RERE: variants seen among roughly 807,000 people sequenced by gnomAD.
The protein encoded by RERE is arginine-glutamic acid dipeptide repeats, also known as arginine-glutamic acid dipeptide repeats protein.
RERE carries 40 observed loss-of-function variants against 146.1 expected under a neutral mutation model. The observed-to-expected ratio is 0.27, with a 90% CI of 0.21 to 0.36. RERE has a LOEUF of 0.36. RERE is among the 10% of genes least tolerant of loss of function. The pLI, the probability that RERE is intolerant of heterozygous loss-of-function variation, is 1.00. For synonymous variants in RERE, 1,003 were observed against 866.0 expected, an observed-to-expected ratio of 1.16 and a Z score of -2.78; for missense variants, 1,933 against 2,138.7, an observed-to-expected ratio of 0.90 and a Z score of 1.90.
chr1:8,464,168 A>G (rs1403918363), intron 11 of RERE, among the ~76,000 whole-genome samples: 24 of 152,212 alleles, frequency 1.6e-4, no homozygotes. Flanking sequence ...TTGTTTTAAA[A>G]CAGCTTCATG....
intron 4 of RERE, among the ~76,000 whole-genome samples, chr1:8,607,176 T>C (rs1646724417): frequency 6.6e-6 from 1 of 152,022 alleles, no homozygotes; most frequent in South Asian, 2.1e-4. Context: ...GCCTGGGCAA[T>C]GTGGCAAAGC....
intron 3 of RERE, among the ~76,000 whole-genome samples, chr1:8,615,956 G>GT (rs1214723142): frequency 5.3e-5 from 8 of 152,146 alleles, no homozygotes; most frequent in Non-Finnish European, 7.3e-5. Context: ...CATGGCCTCA[G>GT]TGATAGTATA....
Position 8,434,099 on chromosome 1 carries a change from T to G in RERE, c.1204-11292A>C, listed in dbSNP as rs556639677. Among the ~76,000 whole-genome samples the G allele has an allele frequency of 1.1e-4, 17 of 152,320 alleles. No individual in the cohort carries two copies. The South Asian group carries it at 3.3e-3, about 30-fold the overall frequency. On this transcript the variant is annotated intron_variant, in intron 11 of 22. Transcript: ENST00000400908. ...TCATGATAATGGACAGCTCCTGGTT[T>G]AAATCATTGTTTTATTCCATCACCC... is the stretch of plus-strand genomic sequence containing the variant.
intron 3 of RERE, among the ~76,000 whole-genome samples, chr1:8,617,818 T>G (rs1367475598): frequency 6.6e-6 from 1 of 152,228 alleles, no homozygotes; most frequent in Non-Finnish European, 1.5e-5. Flanking sequence ...GCCTAAAAAA[T>G]GTTATGACTT....
intron 4 of RERE, among the ~76,000 whole-genome samples, chr1:8,604,603 AGGG>A (rs1486797783): frequency 3.2e-4 from 19 of 58,764 alleles, no homozygotes; most frequent in African/African-American, 1.3e-3. Context: ...GAAGGAAGGG[AGGG>A]AGGGAGGGAG....
chr1:8,655,749 T>A (rs1638266289), intron 2 of RERE, among the ~76,000 whole-genome samples: 1 of 152,004 alleles, frequency 6.6e-6, no homozygotes, highest in African/African-American at 2.4e-5. Context: ...AAAGAACTCA[T>A]GAATGCATAA....
rs1434403998 is a variant in RERE at position 8,495,052 on chromosome 1, A to G, written c.1104+11T>C. 1 of 1,600,908 alleles carries G rather than the reference A, an allele frequency of 6.2e-7. No individual in the cohort carries two copies. The highest frequency in any genetic ancestry group is 1.3e-5 in the African/African-American group (1 of 74,674). On this transcript the variant is annotated intron_variant, in intron 10 of 22. Transcript: ENST00000400908. ...GTGTCTTCCCACTCAGGGTGACTTC[A>G]AAAGACTTACTGTGTTCAGTGCATT...
intron 1 of RERE, among the ~76,000 whole-genome samples, chr1:8,720,109 C>CA (rs944810945): frequency 2.0e-3 from 280 of 137,146 alleles, no homozygotes; most frequent in Admixed American, 3.2e-3. Flanking sequence ...ACTAAAAATA[C>CA]AAAAAAAAAA....
chr1:8,809,138 A>T (rs61407807), intron 1 of RERE, among the ~76,000 whole-genome samples: 4 of 118,108 alleles, frequency 3.4e-5, no homozygotes, highest in South Asian at 2.6e-4. Context: ...ACTTTGTCTT[A>T]AAAAAAAAAA....
intron 6 of RERE, 115 bp from the exon 7 acceptor site, chr1:8,541,433 G>A: frequency 1.6e-6 from 1 of 609,312 alleles, no homozygotes; most frequent in Non-Finnish European, 2.9e-6. Context: ...TGGAGAATCG[G>A]CTACAAACAC....
chr1:8,477,289 C>T (rs1644769106), intron 10 of RERE, among the ~76,000 whole-genome samples: 1 of 152,180 alleles, frequency 6.6e-6, no homozygotes, highest in East Asian at 1.9e-4. Context: ...ACTAAGAAGA[C>T]TCAGCTTGAG....
chr1:8,485,316 G>A (rs1274922395), intron 10 of RERE, among the ~76,000 whole-genome samples: 4 of 152,214 alleles, frequency 2.6e-5, no homozygotes, highest in East Asian at 1.9e-4. Context: ...AGCCGAGATC[G>A]TGCCATCGCA....
At chr1:8,577,204 T>C (rs1473816141) in intron 4 of RERE, among the ~76,000 whole-genome samples, 2 of 151,964 alleles carry the variant, frequency 1.3e-5, no homozygotes, top group African/African-American at 4.8e-5. Flanking sequence ...CATATGACTT[T>C]TGAATTTTTT....
intron 12 of RERE, among the ~76,000 whole-genome samples, chr1:8,372,516 G>GTT (rs1479076112): frequency 2.0e-5 from 3 of 150,884 alleles, no homozygotes; most frequent in African/African-American, 4.9e-5. Flanking sequence ...TCGTGTGTGT[G>GTT]TGTGTGTGTG....
In RERE at chr1:8,530,679, C is replaced by CTTTTTTTTTT. The variant is rs1197212764; in HGVS notation, c.830+10525_830+10534dup. Reference sequence around the variant, plus strand: ...AGACATGGAACTGAGTTTTCGTTTTCTTTTTTTTTTTTTTTTTTTTTTTGA... The same window carrying CTTTTTTTTTT: ...AGACATGGAACTGAGTTTTCGTTTTCTTTTTTTTTTTTTTTTTTTTTTTTTTTTTTTTTGA... On this transcript the variant is annotated intron_variant, in intron 7 of 22. Coordinates refer to ENST00000400908, the MANE Select transcript of RERE (RefSeq NM_001042681.2). Among the ~76,000 whole-genome samples, 17 of 96,928 alleles carry CTTTTTTTTTT rather than the reference C, an allele frequency of 1.8e-4. 1 individual carries two copies. The highest frequency in any genetic ancestry group is 4.8e-4 in the African/African-American group (12 of 24,822). 63.6% of individuals were successfully genotyped at this position (96,928 alleles called of 152,430 possible).
chr1:8,523,599 G>C (rs1399436759), intron 7 of RERE, among the ~76,000 whole-genome samples: 1 of 152,084 alleles, frequency 6.6e-6, no homozygotes, highest in Non-Finnish European at 1.5e-5. Context: ...CCTGAAGCAA[G>C]CCTTTAGCAT....
chr1:8,417,353 T>C (rs1165288090), intron 12 of RERE, among the ~76,000 whole-genome samples: 2 of 152,360 alleles, frequency 1.3e-5, no homozygotes, highest in East Asian at 3.9e-4. Flanking sequence ...AGTAGTTACG[T>C]ACGTATTTAA....
At position 8,602,434 on chromosome 1, in the gene RERE, G is replaced by T. The variant is rs547511116; in HGVS notation, c.522+12127C>A. 4.0e-5 allele frequency among the ~76,000 whole-genome samples: 6 copies of T among 149,626 alleles called. No homozygotes were observed. The South Asian group carries it at 8.5e-4, about 21-fold the overall frequency. On this transcript the variant is annotated intron_variant, in intron 4 of 22. Coordinates refer to ENST00000400908, the MANE Select transcript of RERE (RefSeq NM_001042681.2). ...AGAAAACATAATAAAACAGCCTCAC[G>T]CTATGTTCACTGGAAAATTTATATG...
chr1:8,782,098 T>C (rs750284017), intron 1 of RERE, among the ~76,000 whole-genome samples: 1 of 152,156 alleles, frequency 6.6e-6, no homozygotes, highest in Non-Finnish European at 1.5e-5. Context: ...AATTCTCCTT[T>C]CATTCTCTCT....
Sources: gnomAD v4.1 joint callset for allele counts (sites outside exome capture counted in the v4.1 genomes callset) on GRCh38, gnomAD v4.1.1 for gene constraint, MANE v1.5 for transcripts, NCBI Gene and HGNC (gene_info 2026-07-23, HGNC 2026-07-21) for gene names.